The following RIMBP2 variants were observed in gnomAD, a reference collection of about 807,000 sequenced individuals.
The protein encoded by RIMBP2 is RIMS-binding protein 2.
A neutral mutation model predicts 118.6 loss-of-function variants in RIMBP2; 48 were observed. The ratio of observed to expected loss-of-function variants is 0.40; its 90% confidence interval spans 0.32 to 0.51. The LOEUF is 0.51. RIMBP2 is among the 20% of genes least tolerant of loss of function. RIMBP2 has a pLI of 0.41. For synonymous variants in RIMBP2, 762 were observed against 742.9 expected (o/e 1.03, Z -0.42); for missense variants, 1,551 against 1,768.3 (o/e 0.88, Z 2.20).
intron 1 of RIMBP2, among the ~76,000 whole-genome samples, chr12:130,649,310 C>G (rs2063124034): frequency 9.1e-6 from 1 of 109,456 alleles, no homozygotes; most frequent in African/African-American, 2.8e-5. Context: ...TGCTCCCGGC[C>G]GGAGGCCGCT....
chr12:130,714,159 C>G (rs1950161931), intron 1 of RIMBP2, among the ~76,000 whole-genome samples: 1 of 152,242 alleles, frequency 6.6e-6, no homozygotes, highest in Non-Finnish European at 1.5e-5. Flanking sequence ...AAATGGAAAG[C>G]GAAGCAAGCT....
intron 19 of RIMBP2, 97 bp downstream of exon 19, chr12:130,412,522 C>G (rs966415157): frequency 6.3e-6 from 7 of 1,114,906 alleles, no homozygotes; most frequent in Admixed American, 4.5e-5. Flanking sequence ...TTAAATGATG[C>G]AATTTGGGGT....
intron 1 of RIMBP2, among the ~76,000 whole-genome samples, chr12:130,652,989 G>C (rs1475380891): frequency 2.0e-5 from 3 of 152,104 alleles, no homozygotes; most frequent in Non-Finnish European, 2.9e-5. Context: ...CTTCCCAACA[G>C]TGAGGATCAC....
At chr12:130,597,951 C>CT (rs963356383) in intron 2 of RIMBP2, among the ~76,000 whole-genome samples, 5 of 152,108 alleles carry the variant, frequency 3.3e-5, no homozygotes, top group African/African-American at 1.2e-4. Flanking sequence ...GGAAAATGGT[C>CT]TTTATTTGTG....
At chr12:130,413,323 T>G (rs2075863011) in intron 18 of RIMBP2, among the ~76,000 whole-genome samples, 1 of 152,058 alleles carries the variant, frequency 6.6e-6, no homozygotes, top group Non-Finnish European at 1.5e-5. Context: ...TTTCCCTACT[T>G]GAGACTCACA....
At chr12:130,624,868 G>A (rs1376516872) in intron 2 of RIMBP2, among the ~76,000 whole-genome samples, 1 of 152,200 alleles carries the variant, frequency 6.6e-6, no homozygotes, top group Admixed American at 6.5e-5. Flanking sequence ...GGGATTACAG[G>A]CACACGACCC....
chr12:130,535,714 TATAC>T (rs2053956747), intron 2 of RIMBP2, among the ~76,000 whole-genome samples: 1 of 79,670 alleles, frequency 1.3e-5, no homozygotes, highest in Non-Finnish European at 2.6e-5. Flanking sequence ...CACATATACA[TATAC>T]ATATATATAC....
chr12:130,617,138 G>C lies in RIMBP2; in HGVS notation c.-217+11184C>G, dbSNP rs1204127535. ...CAGGCCTGGTGCTGAGACCCTACCA[G>C]TCTCTTCTGTGTTTCATTGTCACCA... is the stretch of plus-strand genomic sequence containing the variant. On this transcript the variant is annotated intron_variant, in intron 2 of 22. Coordinates refer to ENST00000690449, the MANE Select transcript of RIMBP2 (RefSeq NM_001393629.1). This position sits in a 1 kb window ranked among gnomAD's most constrained non-coding sequence, Gnocchi z 4.6. Among the ~76,000 whole-genome samples the C allele has an allele frequency of 6.6e-6, 1 of 152,128 alleles. No homozygotes were observed. Among genetic ancestry groups the C allele is most frequent in the Non-Finnish European group, 1.5e-5 (1 of 68,018 alleles).
At chr12:130,438,752 T>G (rs561509522) in intron 11 of RIMBP2, among the ~76,000 whole-genome samples, 90 of 152,218 alleles carry the variant, frequency 5.9e-4, no homozygotes, top group African/African-American at 2.1e-3. Context: ...CGGCATTTAG[T>G]CACCATCTTC....
rs780234702 is a variant in RIMBP2, at chr12:130,407,803, G to A, written c.3616C>T (p.His1206Tyr). 1 of 1,614,008 alleles carries A rather than the reference G, an allele frequency of 6.2e-7. No individual in the cohort carries two copies. The change falls in exon 20 of 23, where the codon CAT (histidine) becomes TAT (tyrosine). Residue 1206 changes from histidine (H) to tyrosine (Y), a missense_variant. Physicochemically the swap from His to Tyr is moderately conservative, Grantham distance 83 (BLOSUM62 2). Around this residue, in one of 5 missense-constraint regions of RIMBP2, gnomAD observed 1,038 missense variants for 1,125.1 expected, o/e 0.92. Coordinates refer to ENST00000690449, the MANE Select transcript of RIMBP2 (RefSeq NM_001393629.1). Reference protein sequence around the residue: ...IERSRRSGRRHSVSTRRMVAL... With the variant: ...IERSRRSGRRYSVSTRRMVAL... ...ACCATTCTCCGCGTCGATACCGAAT[G>A]ACGCCTGCCACTTCTCCTGCTTCTC...
chr12:130,474,035 T>A (rs1163524918), intron 5 of RIMBP2, among the ~76,000 whole-genome samples: 1 of 152,148 alleles, frequency 6.6e-6, no homozygotes. Flanking sequence ...CACCACTGGA[T>A]TATCATAATT....
chr12:130,442,437 G>A lies in RIMBP2; in HGVS notation c.915C>T (p.Asn305=). The change falls in exon 11 of 23, where the codon AAC becomes AAT. Residue 305 remains asparagine, a synonymous_variant. Coordinates refer to ENST00000690449, the MANE Select transcript of RIMBP2 (RefSeq NM_001393629.1). The surrounding 1 kb of genome is among the most constrained non-coding windows in gnomAD (Gnocchi z 6.9). Reference sequence around the variant, plus strand: ...CGATGTCTTCTCCGATGTCGTCGATGTTCACGTCCAGGGTCCCGGCACTGT... The same window carrying A: ...CGATGTCTTCTCCGATGTCGTCGATATTCACGTCCAGGGTCCCGGCACTGT... ...TDNSAGTLDV[N]IDDIGEDIVP... is the part of the protein sequence containing the mutation. The A allele has an allele frequency of 6.2e-7, 1 of 1,614,184 alleles. No individual in the cohort carries two copies. Among genetic ancestry groups the A allele is most frequent in the Non-Finnish European group, 8.5e-7 (1 of 1,180,032 alleles).
chr12:130,470,647 C>T, intron 6 of RIMBP2, 46 bp downstream of exon 6: 1 of 1,176,362 alleles, frequency 8.5e-7, no homozygotes, highest in Non-Finnish European at 1.1e-6. Flanking sequence ...GCAACTCTCC[C>T]CAACGTCCCC....
chr12:130,629,199 T>C (rs926586873), intron 1 of RIMBP2, among the ~76,000 whole-genome samples: 1 of 152,196 alleles, frequency 6.6e-6, no homozygotes. Flanking sequence ...CCTGCATCCA[T>C]ATGAACCAGC....
At position 130,566,326 on chromosome 12, in the gene RIMBP2, G is replaced by C. The variant is rs78538105; in HGVS notation, c.-216-48409C>G. On this transcript the variant is annotated intron_variant, in intron 2 of 22. Coordinates refer to ENST00000690449, the MANE Select transcript of RIMBP2 (RefSeq NM_001393629.1). The stretch of plus-strand genomic sequence containing the variant: ...CCCTCTAGACAAGAGGTGCAAGGTG[G>C]CTTGAAAAATATGTCCACAAATTAC... Among the ~76,000 whole-genome samples, 291 of 152,254 alleles carry C rather than the reference G, an allele frequency of 1.9e-3. 2 individuals carry two copies. Among genetic ancestry groups the C allele is most frequent in the Non-Finnish European group, 3.6e-3 (242 of 68,014 alleles).
intron 2 of RIMBP2, among the ~76,000 whole-genome samples, chr12:130,518,328 A>C (rs1344331896): frequency 2.0e-5 from 3 of 152,222 alleles, no homozygotes; most frequent in African/African-American, 7.2e-5. Flanking sequence ...CAAAAATAAG[A>C]TAAAGCATTC....
At chr12:130,645,062 C>T (rs2062794762) in intron 1 of RIMBP2, among the ~76,000 whole-genome samples, 1 of 151,890 alleles carries the variant, frequency 6.6e-6, no homozygotes, top group South Asian at 2.1e-4. Context: ...GTGTTTACAC[C>T]ACAGAAATAG....
chr12:130,438,964 C>G (rs2077771364), intron 11 of RIMBP2, among the ~76,000 whole-genome samples: 1 of 151,922 alleles, frequency 6.6e-6, no homozygotes. Flanking sequence ...TCCCCTCATC[C>G]CCCCGCCCGC....
chr12:130,689,758 A>G (rs1052679370), intron 1 of RIMBP2, among the ~76,000 whole-genome samples: 2 of 152,198 alleles, frequency 1.3e-5, no homozygotes, highest in African/African-American at 4.8e-5. Context: ...TGGAGGACCC[A>G]GTAGAGAGGC....
Sources: allele counts gnomAD v4.1 joint callset (sites outside exome capture counted in the v4.1 genomes callset), GRCh38; gene constraint gnomAD v4.1.1; regional missense constraint gnomAD v4.1.1; non-coding constraint Gnocchi (gnomAD v3.1); transcripts MANE v1.5; gene names NCBI Gene and HGNC (gene_info 2026-07-23, HGNC 2026-07-21).